The following RBM47 variants were observed in gnomAD, a reference collection of about 807,000 sequenced individuals.
RBM47 encodes RNA binding motif protein 47.
A neutral mutation model predicts 47.1 loss-of-function variants in RBM47; 21 were observed. The observed-to-expected ratio is 0.45, with a 90% CI of 0.32 to 0.64. RBM47 has a LOEUF of 0.64. Among genes scored for constraint, RBM47 ranks in the 30% least tolerant of loss-of-function variants. RBM47 has a pLI of 0.05. For synonymous variants in RBM47, 375 were observed against 361.7 expected, an observed-to-expected ratio of 1.04 and a Z score of -0.42; for missense variants, 708 against 870.9, an observed-to-expected ratio of 0.81 and a Z score of 2.35.
chr4:40,485,346 A>C (rs1206142610), intron 2 of RBM47, among the ~76,000 whole-genome samples: 1 of 152,214 alleles, frequency 6.6e-6, no homozygotes, highest in Admixed American at 6.5e-5. Context: ...CAACTCTGGA[A>C]AGTCAGGATA....
chr4:40,512,481 C>T (rs572821496), intron 2 of RBM47, among the ~76,000 whole-genome samples: 9 of 148,144 alleles, frequency 6.1e-5, no homozygotes, highest in African/African-American at 1.2e-4. Flanking sequence ...TTTGGGAGGC[C>T]GAGGCGAGTG....
chr4:40,467,925 A>T (rs1000612220), intron 2 of RBM47, among the ~76,000 whole-genome samples: 2 of 152,178 alleles, frequency 1.3e-5, no homozygotes, highest in Admixed American at 6.5e-5. Context: ...GGCTAGTTTT[A>T]AGGCTATCTC....
chr4:40,558,524 CAAA>C (rs1198741417), intron 1 of RBM47, among the ~76,000 whole-genome samples: 2,453 of 92,636 alleles, frequency 0.026, 80 homozygotes, highest in African/African-American at 0.08. Flanking sequence ...ATTAAAACTA[CAAA>C]AAAAAAAAAA....
intron 1 of RBM47, among the ~76,000 whole-genome samples, chr4:40,615,782 AAATT>A (rs1423113562): frequency 2.6e-5 from 4 of 152,142 alleles, no homozygotes; most frequent in Non-Finnish European, 5.9e-5. Context: ...CTCTGTCTCA[AAATT>A]AATTAATTAA....
intron 2 of RBM47, among the ~76,000 whole-genome samples, chr4:40,474,248 G>A (rs1197779546): frequency 6.6e-6 from 1 of 152,132 alleles, no homozygotes; most frequent in Admixed American, 6.5e-5. Context: ...CTAAACCTTT[G>A]AACCTTAGCT....
chr4:40,504,713 T>C (rs2154251272), intron 2 of RBM47, among the ~76,000 whole-genome samples: 1 of 152,350 alleles, frequency 6.6e-6, no homozygotes, highest in East Asian at 1.9e-4. Flanking sequence ...AAGGCCTTGT[T>C]AATAGAAATT....
intron 2 of RBM47, among the ~76,000 whole-genome samples, chr4:40,516,251 T>C (rs933895447): frequency 2.1e-5 from 3 of 144,208 alleles, no homozygotes; most frequent in African/African-American, 7.7e-5. Context: ...ATTCTCTTTT[T>C]CTTTTCTTTC....
chr4:40,532,000 CTTTT>C, intron 2 of RBM47, among the ~76,000 whole-genome samples: 1 of 146,862 alleles, frequency 6.8e-6, no homozygotes, highest in South Asian at 2.2e-4. Context: ...CAATCTCTCT[CTTTT>C]TTTTTTATCT....
At chr4:40,473,974 C>T (rs1011833692) in intron 2 of RBM47, among the ~76,000 whole-genome samples, 1 of 152,178 alleles carries the variant, frequency 6.6e-6, no homozygotes, top group Admixed American at 6.5e-5. Context: ...TCATGCCCCT[C>T]CCCACTCCGT....
intron 6 of RBM47, among the ~76,000 whole-genome samples, chr4:40,428,193 CAAACAAAACA>C (rs71196867): frequency 0.017 from 2,580 of 149,124 alleles, 40 homozygotes; most frequent in African/African-American, 0.033. Context: ...GACCTTGTCT[CAAACAAAACA>C]AAACAAAACA....
chr4:40,527,690 G>A (rs1013029604), intron 2 of RBM47, among the ~76,000 whole-genome samples: 3 of 134,232 alleles, frequency 2.2e-5, no homozygotes, highest in African/African-American at 8.5e-5. Flanking sequence ...AGCCTCCCAG[G>A]ACAAATGAAG....
At chr4:40,555,125 T>A (rs550991113) in intron 1 of RBM47, among the ~76,000 whole-genome samples, 1 of 152,214 alleles carries the variant, frequency 6.6e-6, no homozygotes, top group Non-Finnish European at 1.5e-5. Flanking sequence ...TTACTAGAGA[T>A]GGGGTTTCAC....
chr4:40,465,668 C>A (rs1717897351), intron 3 of RBM47, among the ~76,000 whole-genome samples: 1 of 150,594 alleles, frequency 6.6e-6, no homozygotes, highest in Non-Finnish European at 1.5e-5. Context: ...GACAGAGCGA[C>A]ACTCCATCTC....
rs1714643008 is a variant in RBM47 at position 40,423,656 on chromosome 4, CTTTCTTTCTTTCTTTCTT to C, written c.*2230_*2247del. The C allele has an allele frequency of 1.4e-4, 2 of 14,522 alleles. No individual in the cohort carries two copies. The highest frequency in any genetic ancestry group is 2.0e-4 in the Non-Finnish European group (1 of 4,940). The allele number at this position is 14,522 out of a possible 1,614,324, so 0.9% of individuals were successfully genotyped here. A position where few individuals can be genotyped will look rare whatever the true frequency, so the allele number is the denominator to read the frequency against. On this transcript the variant is annotated 3_prime_UTR_variant, in exon 7 of 7. Transcript: ENST00000295971. The stretch of plus-strand genomic sequence containing the variant: ...TTTTTTTTATTCTTTCTTTCTTTTT[CTTTCTTTCTTTCTTTCTT>C]TCTTTCTTTCTTTCTTTCTTTCTTT...
At chr4:40,493,186 C>A (rs1274819315) in intron 2 of RBM47, among the ~76,000 whole-genome samples, 1 of 152,140 alleles carries the variant, frequency 6.6e-6, no homozygotes, top group East Asian at 1.9e-4. Flanking sequence ...CCCCTATGAG[C>A]TGGGTGCCGA....
intron 6 of RBM47, among the ~76,000 whole-genome samples, chr4:40,430,651 C>T (rs1432418911): frequency 6.6e-6 from 1 of 152,200 alleles, no homozygotes; most frequent in Non-Finnish European, 1.5e-5. Context: ...TGGGCAAAAG[C>T]AAGTAAACAG....
At chr4:40,573,839 A>AAGAAAGAAAG (rs1732034870) in intron 1 of RBM47, among the ~76,000 whole-genome samples, 1 of 150,176 alleles carries the variant, frequency 6.7e-6, no homozygotes, top group African/African-American at 2.4e-5. Flanking sequence ...AAGAAAGAGA[A>AAGAAAGAAAG]AGAAAGAAAG....
At chr4:40,477,476 T>C (rs1291394338) in intron 2 of RBM47, among the ~76,000 whole-genome samples, 1 of 152,228 alleles carries the variant, frequency 6.6e-6, no homozygotes. Context: ...TCAGACAAAT[T>C]TAAATTCCTC....
intron 2 of RBM47, among the ~76,000 whole-genome samples, chr4:40,529,926 A>AC (rs1317191474): frequency 5.5e-4 from 79 of 143,066 alleles, no homozygotes; most frequent in Non-Finnish European, 1.0e-3. Flanking sequence ...AGGATATTAG[A>AC]CCCCCTTTTT....
Sources: gnomAD v4.1 joint callset for allele counts (sites outside exome capture counted in the v4.1 genomes callset) on GRCh38, gnomAD v4.1.1 for gene constraint, MANE v1.5 for transcripts, NCBI Gene and HGNC (gene_info 2026-07-23, HGNC 2026-07-21) for gene names.